Variants in CCBE1 observed in about 807,000 individuals in gnomAD.
The protein encoded by CCBE1 is collagen and calcium binding EGF domains 1, also known as collagen and calcium-binding EGF domain-containing protein 1.
CCBE1 carries 37 observed loss-of-function variants against 50.0 expected under a neutral mutation model. The observed-to-expected ratio is 0.74, with a 90% CI of 0.57 to 0.97. The LOEUF is 0.97. Ranked by LOEUF, CCBE1 falls within the 50% of genes least tolerant of loss-of-function variation. The probability of loss-of-function intolerance (pLI) is 0.00; values close to 1 mark genes in which losing one functional copy is unlikely to be tolerated. For synonymous variants in CCBE1, 234 were observed against 203.7 expected (o/e 1.15, Z -1.27); for missense variants, 538 against 523.8 (o/e 1.03, Z -0.26).
chr18:59,457,298 T>C (rs1486437977), intron 5 of CCBE1, among the ~76,000 whole-genome samples: 1 of 152,102 alleles, frequency 6.6e-6, no homozygotes, highest in Non-Finnish European at 1.5e-5. Flanking sequence ...TAAGGGGGAA[T>C]AGGGAAGGGC....
intron 2 of CCBE1, among the ~76,000 whole-genome samples, chr18:59,583,532 A>G (rs1436468438): frequency 2.0e-5 from 3 of 152,146 alleles, no homozygotes; most frequent in Non-Finnish European, 4.4e-5. Flanking sequence ...TCATTATCAA[A>G]TGGCCAATGC....
In CCBE1 at chr18:59,566,044, G is replaced by C. The variant is rs371868895; in HGVS notation, c.213-85806C>G. On this transcript the variant is annotated intron_variant, in intron 2 of 10. Coordinates refer to ENST00000439986, the MANE Select transcript of CCBE1 (RefSeq NM_133459.4). Reference sequence around the variant, plus strand: ...CAGTAGGCTCTATTATCTTGCATAAGAGAACAGTGAATAAGAAAAAGCCAT... The same window carrying C: ...CAGTAGGCTCTATTATCTTGCATAACAGAACAGTGAATAAGAAAAAGCCAT... 3.9e-5 allele frequency among the ~76,000 whole-genome samples: 6 copies of C among 152,264 alleles called. 1 individual carries two copies. Among genetic ancestry groups the C allele is most frequent in the African/African-American group, 1.4e-4 (6 of 41,552 alleles).
rs904636880 is a variant in CCBE1, at chr18:59,545,401, CA to C, written c.213-65164del. ...TTCTCTATATCGGTGTGAGCACCCA[CA>C]ACATTTTTGTTTTCATGGAAATGGT... is the stretch of plus-strand genomic sequence containing the variant. On this transcript the variant is annotated intron_variant, in intron 2 of 10. Transcript: ENST00000439986. 7.9e-5 allele frequency among the ~76,000 whole-genome samples: 12 copies of C among 152,232 alleles called. 1 individual carries two copies. Among genetic ancestry groups the C allele is most frequent in the African/African-American group, 2.9e-4 (12 of 41,544 alleles).
chr18:59,456,560 T>C (rs1911204002), intron 5 of CCBE1, among the ~76,000 whole-genome samples: 1 of 152,238 alleles, frequency 6.6e-6, no homozygotes, highest in African/African-American at 2.4e-5. Flanking sequence ...TGGATTGTCC[T>C]GCATAGCTGT....
At chr18:59,448,474 G>C (rs1014262149) in intron 6 of CCBE1, among the ~76,000 whole-genome samples, 1 of 152,010 alleles carries the variant, frequency 6.6e-6, no homozygotes, top group Non-Finnish European at 1.5e-5. Flanking sequence ...GCAGGTCCTG[G>C]CTTGGTTCTG....
chr18:59,567,064 C>T (rs181855062), intron 2 of CCBE1, among the ~76,000 whole-genome samples: 1 of 152,200 alleles, frequency 6.6e-6, no homozygotes, highest in Non-Finnish European at 1.5e-5. Context: ...CTAAGGTCTC[C>T]TCTCATCATG....
intron 2 of CCBE1, among the ~76,000 whole-genome samples, chr18:59,667,594 G>A (rs558587828): frequency 5.9e-5 from 9 of 152,264 alleles, no homozygotes; most frequent in East Asian, 3.9e-4. Context: ...CTAGAAGCAC[G>A]CAGCCAATAC....
At chr18:59,445,360 G>T (rs1910623146) in intron 7 of CCBE1, among the ~76,000 whole-genome samples, 1 of 152,098 alleles carries the variant, frequency 6.6e-6, no homozygotes, top group African/African-American at 2.4e-5. Context: ...GATACATAGT[G>T]GGCTGCTTAG....
chr18:59,521,101 C>A (rs1568184488), intron 2 of CCBE1, among the ~76,000 whole-genome samples: 1 of 152,210 alleles, frequency 6.6e-6, no homozygotes, highest in Non-Finnish European at 1.5e-5. Flanking sequence ...GAATCATTAA[C>A]CCTCACTGCC....
chr18:59,449,408 G>A (rs541582786), intron 6 of CCBE1, among the ~76,000 whole-genome samples: 4 of 151,312 alleles, frequency 2.6e-5, no homozygotes, highest in African/African-American at 7.3e-5. Flanking sequence ...GATCACTTGA[G>A]GTCAAGAGTT....
chr18:59,668,975 A>G (rs1290293348), intron 2 of CCBE1, among the ~76,000 whole-genome samples: 1 of 151,756 alleles, frequency 6.6e-6, no homozygotes, highest in Non-Finnish European at 1.5e-5. Flanking sequence ...CTGGGATTAC[A>G]GACACACGCC....
chr18:59,694,444 G>GC (rs5825359), intron 2 of CCBE1, among the ~76,000 whole-genome samples: 135,624 of 152,234 alleles, frequency 0.89, 60,530 homozygotes, highest in Admixed American at 0.94. Flanking sequence ...TTGGTCAACT[G>GC]AAAGGCCTCC....
At chr18:59,646,250 G>A (rs189421160) in intron 2 of CCBE1, among the ~76,000 whole-genome samples, 11 of 152,286 alleles carry the variant, frequency 7.2e-5, no homozygotes, top group South Asian at 2.1e-4. Flanking sequence ...CCCGATGGAC[G>A]ATCACTGTCA....
intron 2 of CCBE1, among the ~76,000 whole-genome samples, chr18:59,690,586 C>T (rs375739464): frequency 1.1e-4 from 17 of 152,176 alleles, no homozygotes; most frequent in Admixed American, 3.9e-4. Flanking sequence ...TGCACCCACC[C>T]CAGCTTCACT....
chr18:59,553,659 A>C (rs980928439), intron 2 of CCBE1, among the ~76,000 whole-genome samples: 10 of 152,234 alleles, frequency 6.6e-5, no homozygotes, highest in African/African-American at 1.7e-4. Context: ...CCTATTTGGG[A>C]AACATACACT....
At chr18:59,555,245 A>G (rs1260197258) in intron 2 of CCBE1, among the ~76,000 whole-genome samples, 1 of 152,222 alleles carries the variant, frequency 6.6e-6, no homozygotes, top group Non-Finnish European at 1.5e-5. Context: ...CAGTGCTCAA[A>G]TGACTAAAAG....
At chr18:59,514,303 C>T (rs1186890028) in intron 2 of CCBE1, among the ~76,000 whole-genome samples, 2 of 152,300 alleles carry the variant, frequency 1.3e-5, no homozygotes, top group Non-Finnish European at 2.9e-5. Context: ...TTAATAAGTG[C>T]TGACTGCCAT....
chr18:59,493,907 T>G (rs1282778529), intron 2 of CCBE1, among the ~76,000 whole-genome samples: 1 of 152,202 alleles, frequency 6.6e-6, no homozygotes, highest in Non-Finnish European at 1.5e-5. Context: ...ATCTGATGAT[T>G]TTTTAAAAAC....
intron 2 of CCBE1, among the ~76,000 whole-genome samples, chr18:59,692,869 A>G (rs1482911934): frequency 8.3e-6 from 1 of 119,986 alleles, no homozygotes; most frequent in Non-Finnish European, 1.8e-5. Context: ...CTCCACGTGG[A>G]GTTCCATGAA....
Sources: allele counts gnomAD v4.1 joint callset (sites outside exome capture counted in the v4.1 genomes callset), GRCh38; gene constraint gnomAD v4.1.1; transcripts MANE v1.5; gene names NCBI Gene and HGNC (gene_info 2026-07-23, HGNC 2026-07-21).